Variants in ZRANB3 observed in about 807,000 individuals in gnomAD.
The protein encoded by ZRANB3 is DNA annealing helicase and endonuclease ZRANB3.
In ZRANB3, 125 loss-of-function variants were observed where a neutral mutation model predicts 133.8. The observed-to-expected ratio is 0.93, with a 90% CI of 0.81 to 1.08. The LOEUF (loss-of-function observed/expected upper bound fraction) is 1.08. Ranked by LOEUF, ZRANB3 falls within the 50% of genes least tolerant of loss-of-function variation. The probability of loss-of-function intolerance (pLI) is 0.00; values close to 1 mark genes in which losing one functional copy is unlikely to be tolerated. For synonymous variants in ZRANB3, 387 were observed against 432.7 expected (o/e 0.89, Z 1.31); for missense variants, 1,229 against 1,275.5 (o/e 0.96, Z 0.56).
chr2:135,212,782 T>C (rs1007415870), intron 17 of ZRANB3, among the ~76,000 whole-genome samples: 2 of 152,176 alleles, frequency 1.3e-5, no homozygotes, highest in African/African-American at 2.4e-5. Context: ...AAAGTGTACG[T>C]TGCAAAGTGG....
intron 8 of ZRANB3, among the ~76,000 whole-genome samples, chr2:135,287,714 T>C (rs1378885564): frequency 2.1e-5 from 3 of 141,966 alleles, no homozygotes; most frequent in East Asian, 2.1e-4. Context: ...GAGCTTGAGT[T>C]CTTGACTTGA....
chr2:135,246,473 A>C (rs1196083930), intron 12 of ZRANB3, among the ~76,000 whole-genome samples: 1 of 152,214 alleles, frequency 6.6e-6, no homozygotes, highest in Non-Finnish European at 1.5e-5. Context: ...GGAAAAACAT[A>C]GTAAGAAATA....
At chr2:135,250,578 G>A (rs187913002) in intron 12 of ZRANB3, among the ~76,000 whole-genome samples, 14 of 152,360 alleles carry the variant, frequency 9.2e-5, no homozygotes, top group Non-Finnish European at 1.9e-4. Context: ...GCTGCGTTCA[G>A]CCTAGGGACT....
At chr2:135,443,472 T>A (rs930015827) in intron 2 of ZRANB3, among the ~76,000 whole-genome samples, 1 of 151,888 alleles carries the variant, frequency 6.6e-6, no homozygotes, top group South Asian at 2.1e-4. Flanking sequence ...ACATGGCACA[T>A]ATATACCTAT....
chr2:135,443,238 G>A (rs1300589453), intron 2 of ZRANB3, among the ~76,000 whole-genome samples: 3 of 152,024 alleles, frequency 2.0e-5, no homozygotes, highest in African/African-American at 7.2e-5. Context: ...CATGGAAGAA[G>A]CTGGAAACCA....
intron 12 of ZRANB3, among the ~76,000 whole-genome samples, chr2:135,253,575 C>A (rs1012986324): frequency 6.6e-6 from 1 of 152,156 alleles, no homozygotes; most frequent in African/African-American, 2.4e-5. Context: ...ACCTAGACTA[C>A]CTGGTATAGC....
chr2:135,437,626 T>C (rs1266699391), intron 2 of ZRANB3, among the ~76,000 whole-genome samples: 1 of 152,214 alleles, frequency 6.6e-6, no homozygotes, highest in Admixed American at 6.5e-5. Context: ...GTAAAAAGCT[T>C]ACTTTAAAAA....
chr2:135,417,412 T>C (rs1688636577), intron 2 of ZRANB3, among the ~76,000 whole-genome samples: 1 of 151,928 alleles, frequency 6.6e-6, no homozygotes, highest in Non-Finnish European at 1.5e-5. Context: ...CACAATGAGA[T>C]ACCATCTCAC....
chr2:135,523,435 G>C (rs528117323), intron 1 of ZRANB3, among the ~76,000 whole-genome samples: 2 of 152,138 alleles, frequency 1.3e-5, no homozygotes, highest in East Asian at 1.9e-4. Context: ...CTTAAATTTT[G>C]TCTCTCACTT....
At chr2:135,338,153 C>A in intron 6 of ZRANB3, among the ~76,000 whole-genome samples, 1 of 152,064 alleles carries the variant, frequency 6.6e-6, no homozygotes, top group Non-Finnish European at 1.5e-5. Context: ...TTATTCATGT[C>A]AAGAAGTTAC....
At chr2:135,313,947 C>A (rs1304817473) in intron 7 of ZRANB3, among the ~76,000 whole-genome samples, 1 of 152,204 alleles carries the variant, frequency 6.6e-6, no homozygotes. Flanking sequence ...TCACTGCAAC[C>A]TCCGCCTCCC....
chr2:135,270,275 A>G (rs1266476652), intron 10 of ZRANB3, among the ~76,000 whole-genome samples: 2 of 152,200 alleles, frequency 1.3e-5, no homozygotes, highest in African/African-American at 4.8e-5. Flanking sequence ...TCATTTGATT[A>G]TACAAGCATA....
intron 1 of ZRANB3, among the ~76,000 whole-genome samples, chr2:135,527,175 T>C (rs1175492080): frequency 6.6e-6 from 1 of 152,164 alleles, no homozygotes; most frequent in African/African-American, 2.4e-5. Flanking sequence ...AATCTCCTCA[T>C]ATTTTACAGT....
At chr2:135,275,838 T>C in intron 8 of ZRANB3, 83 bp from the exon 9 acceptor site, 1 of 1,166,436 alleles carries the variant, frequency 8.6e-7, no homozygotes, top group Non-Finnish European at 1.1e-6. Flanking sequence ...GCAAGAAAAA[T>C]GGCTTGAAAA....
At chr2:135,367,859 C>G (rs1686007753) in intron 3 of ZRANB3, among the ~76,000 whole-genome samples, 1 of 152,016 alleles carries the variant, frequency 6.6e-6, no homozygotes, top group Non-Finnish European at 1.5e-5. Context: ...AATAACTTCT[C>G]TTTTACTCAA....
chr2:135,214,703 TGTAA>T (rs1199657066), intron 17 of ZRANB3, among the ~76,000 whole-genome samples: 4 of 152,284 alleles, frequency 2.6e-5, no homozygotes, highest in African/African-American at 9.6e-5. Flanking sequence ...TGCACTTATG[TGTAA>T]GTATGTGTAT....
chr2:135,391,158 C>T (rs1687215031), intron 2 of ZRANB3, among the ~76,000 whole-genome samples: 1 of 152,150 alleles, frequency 6.6e-6, no homozygotes, highest in Non-Finnish European at 1.5e-5. Context: ...TGTGCCCGGC[C>T]AAAGTGAACC....
chr2:135,221,790 GGCT>G, intron 15 of ZRANB3, among the ~76,000 whole-genome samples: 1 of 152,166 alleles, frequency 6.6e-6, no homozygotes, highest in South Asian at 2.1e-4. Context: ...CCATGTCAGA[GGCT>G]CCACTTGGTA....
chr2:135,507,977 A>G (rs1693270106), intron 1 of ZRANB3, among the ~76,000 whole-genome samples: 1 of 132,080 alleles, frequency 7.6e-6, no homozygotes, highest in Non-Finnish European at 1.5e-5. Context: ...GGGAAAGAAA[A>G]GAGAGAGAGA....
Sources: gnomAD v4.1 joint callset for allele counts (sites outside exome capture counted in the v4.1 genomes callset) on GRCh38, gnomAD v4.1.1 for gene constraint, MANE v1.5 for transcripts, NCBI Gene and HGNC (gene_info 2026-07-23, HGNC 2026-07-21) for gene names.